Variants in HSF1 observed in about 807,000 individuals in gnomAD.
HSF1 encodes the protein heat shock factor protein 1.
HSF1 carries 32 observed loss-of-function variants against 51.7 expected under a neutral mutation model. That is an observed-to-expected ratio of 0.62 (90% confidence interval 0.47 to 0.83). HSF1 has a LOEUF of 0.83. Ranked by LOEUF, HSF1 falls within the 40% of genes least tolerant of loss-of-function variation. The pLI is 0.00. For missense variants in HSF1, 727 were observed against 717.0 expected (o/e 1.01, Z -0.16); for synonymous variants, 396 against 309.7 (o/e 1.28, Z -2.92).
intron 3 of HSF1, 71 bp downstream of exon 3, chr8:144,309,662 G>GGGGC: frequency 1.3e-6 from 2 of 1,598,780 alleles, no homozygotes; most frequent in East Asian, 2.2e-5. Flanking sequence ...CTCCCTGAGG[G>GGGGC]CTCCCACCCC....
intron 9 of HSF1, 158 bp from the exon 10 acceptor site, chr8:144,313,353 C>A: frequency 1.7e-6 from 1 of 591,588 alleles, no homozygotes; most frequent in African/African-American, 1.9e-5. Flanking sequence ...CCACTGCCTT[C>A]CAGGCCGTCC....
chr8:144,295,698 C>T (rs1815408481), intron 1 of HSF1, among the ~76,000 whole-genome samples: 1 of 151,468 alleles, frequency 6.6e-6, no homozygotes, highest in Non-Finnish European at 1.5e-5. Flanking sequence ...TACAGGCTTG[C>T]ACCACCAGAC....
Position 144,314,497 on chromosome 8 carries a change from C to CCCTGG in HSF1, c.*172_*176dup, listed in dbSNP as rs1282231495. On this transcript the variant is annotated 3_prime_UTR_variant, in exon 13 of 13. Transcript: ENST00000528838. ...GCAGCACCTCTGGTCAGGAGGGTCA[C>CCCTGG]CCTGGCCTGCCAGTCTGCCTTCCCC... The CCCTGG allele has an allele frequency of 1.1e-5, 7 of 626,534 alleles. No homozygotes were observed. The highest frequency in any genetic ancestry group is 1.8e-5 in the African/African-American group (1 of 54,278). 38.8% of individuals were successfully genotyped at this position (626,534 alleles called of 1,614,324 possible).
chr8:144,313,642 TCCCCG>T lies in HSF1; in HGVS notation c.1248+34_1248+38del, dbSNP rs781889614. 88 of 339,642 alleles carry T rather than the reference TCCCCG, an allele frequency of 2.6e-4. 1 individual carries two copies. The highest frequency in any genetic ancestry group is 5.3e-4 in the African/African-American group (11 of 20,876). The allele number at this position is 339,642 out of a possible 1,614,324, so 21.0% of individuals were successfully genotyped here. On this transcript the variant is annotated intron_variant, in intron 10 of 12. Coordinates refer to ENST00000528838, the MANE Select transcript of HSF1 (RefSeq NM_005526.4). ...GTGAGTGGAGCCCCGCCGCCCCGCC[TCCCCG>T]CCCCGCCTCCCCGCCGCGCCGCCCC...
At chr8:144,312,294 C>T (rs1554845099) in intron 9 of HSF1, 50 bp downstream of exon 9, 1 of 1,347,776 alleles carries the variant, frequency 7.4e-7, no homozygotes, top group African/African-American at 1.4e-5. Context: ...GACGCACAGC[C>T]CTGGGCTTCA....
chr8:144,312,726 C>A, intron 9 of HSF1: 1 of 1,533,208 alleles, frequency 6.5e-7, no homozygotes, highest in Non-Finnish European at 8.7e-7. Flanking sequence ...GCGCTGACCC[C>A]ACTGGGGAGG....
chr8:144,312,569 C>A, intron 9 of HSF1: 1 of 1,391,480 alleles, frequency 7.2e-7, no homozygotes, highest in Non-Finnish European at 9.8e-7. Flanking sequence ...TGAGCAGGGC[C>A]GGCCTCCACA....
intron 9 of HSF1, chr8:144,313,101 T>C: frequency 2.5e-6 from 1 of 392,484 alleles, no homozygotes; most frequent in Non-Finnish European, 4.8e-6. Flanking sequence ...AGACCGTGGG[T>C]CTCATCCCCA....
At chr8:144,293,873 T>G (rs1815278301) in intron 1 of HSF1, among the ~76,000 whole-genome samples, 1 of 151,278 alleles carries the variant, frequency 6.6e-6, no homozygotes, top group Admixed American at 6.6e-5. Context: ...TCCCGTAATC[T>G]GCTTGCTGTT....
chr8:144,309,715 T>C, intron 3 of HSF1, 57 bp from the exon 4 acceptor site: 3 of 1,477,808 alleles, frequency 2.0e-6, no homozygotes, highest in Non-Finnish European at 2.7e-6. Context: ...TGGACGAGCC[T>C]GAGCCTGCCA....
chr8:144,293,974 G>A (rs1425560195), intron 1 of HSF1, among the ~76,000 whole-genome samples: 1 of 151,858 alleles, frequency 6.6e-6, no homozygotes, highest in Non-Finnish European at 1.5e-5. Flanking sequence ...TTTGAGCAAG[G>A]AAGGCAGGTG....
chr8:144,313,412 G>C, intron 9 of HSF1, 99 bp from the exon 10 acceptor site: 1 of 789,584 alleles, frequency 1.3e-6, no homozygotes, highest in Middle Eastern at 2.3e-4. Context: ...CGGGGGTGCA[G>C]CCTGGGGGGT....
chr8:144,308,365 TTGAC>T (rs1816366215), intron 1 of HSF1, among the ~76,000 whole-genome samples: 1 of 152,224 alleles, frequency 6.6e-6, no homozygotes, highest in Admixed American at 6.5e-5. Context: ...TATGCAGTGT[TTGAC>T]TGTCTCTGTT....
In HSF1 at chr8:144,314,636, C is replaced by T. The variant is rs111911280; in HGVS notation, c.*306C>T. ...ATTTTTACACAACTGTCCCGTTCCC[C>T]GCTCCACAGAGATACACAGATATAT... On this transcript the variant is annotated 3_prime_UTR_variant, in exon 13 of 13. Coordinates refer to ENST00000528838, the MANE Select transcript of HSF1 (RefSeq NM_005526.4). The T allele has an allele frequency of 0.014, 5,880 of 434,494 alleles. 68 individuals are homozygous for T. Among genetic ancestry groups the T allele is most frequent in the Middle Eastern group, 0.031 (49 of 1,556 alleles). The allele number at this position is 434,494 out of a possible 1,614,324, so 26.9% of individuals were successfully genotyped here.
In HSF1 at chr8:144,311,685, T is replaced by A. The variant is rs782521190; in HGVS notation, c.724-15T>A. 9.3e-6 allele frequency: 15 copies of A among 1,608,944 alleles called. 1 individual carries two copies. In the African/African-American group the frequency reaches 2.0e-4, roughly 22 times the overall value. On this transcript the variant is annotated splice_polypyrimidine_tract_variant and intron_variant, in intron 7 of 12. Transcript: ENST00000528838. The stretch of plus-strand genomic sequence containing the variant: ...CCCTGCCGGCACTGCATGGACCTCC[T>A]GCCTTTGATTGCAGGCCCCCTCCCC...
At chr8:144,311,051 C>A in intron 4 of HSF1, 123 bp from the exon 5 acceptor site, 1 of 899,248 alleles carries the variant, frequency 1.1e-6, no homozygotes, top group South Asian at 1.7e-5. Flanking sequence ...CTGGGGTGGG[C>A]CAGGCCAGAC....
At chr8:144,296,651 CA>C (rs1463284682) in intron 1 of HSF1, among the ~76,000 whole-genome samples, 1 of 151,972 alleles carries the variant, frequency 6.6e-6, no homozygotes, top group Admixed American at 6.6e-5. Flanking sequence ...TTAAAAAATA[CA>C]AAAAACTAGC....
At position 144,313,067 on chromosome 8, in the gene HSF1, A is replaced by C. The variant is rs3757976; in HGVS notation, c.1143-444A>C. On this transcript the variant is annotated intron_variant, in intron 9 of 12. Coordinates refer to ENST00000528838, the MANE Select transcript of HSF1 (RefSeq NM_005526.4). ...ATAGCCCAGGTGTGCCCTGTGGCCTAGGGCTTTCTTGGTCACAGCCACCAG... is the reference window on the plus strand; with the variant it reads ...ATAGCCCAGGTGTGCCCTGTGGCCTCGGGCTTTCTTGGTCACAGCCACCAG... The C allele has an allele frequency of 1.2e-5, 5 of 414,814 alleles. No individual in the cohort carries two copies. In the East Asian group the frequency reaches 2.3e-4, roughly 19 times the overall value. The allele number at this position is 414,814 out of a possible 1,614,324, so 25.7% of individuals were successfully genotyped here.
chr8:144,312,185 T>TGGCCGG lies in HSF1; in HGVS notation c.1083_1084insGGCCGG (p.Pro361_Pro362insGlyArg). Reference sequence around the variant, plus strand: ...GCCACACGGACACCGAGGGCCGGCCTCCCTCCCCCCCGCCCACCTCCACCC... The same window carrying TGGCCGG: ...GCCACACGGACACCGAGGGCCGGCCTGGCCGGCCCTCCCCCCCGCCCACCTCCACCC... On this transcript the variant is annotated inframe_insertion, in exon 9 of 13. Coordinates refer to ENST00000528838, the MANE Select transcript of HSF1 (RefSeq NM_005526.4). 6.5e-7 allele frequency: 1 copy of TGGCCGG among 1,532,954 alleles called. No individual in the cohort carries two copies. Among genetic ancestry groups the TGGCCGG allele is most frequent in the Non-Finnish European group, 8.9e-7 (1 of 1,117,514 alleles). 95.0% of individuals were successfully genotyped at this position (1,532,954 alleles called of 1,614,324 possible). A position where few individuals can be genotyped will look rare whatever the true frequency, so the allele number is the denominator to read the frequency against.
Sources: gnomAD v4.1 joint callset for allele counts (sites outside exome capture counted in the v4.1 genomes callset) on GRCh38, gnomAD v4.1.1 for gene constraint, MANE v1.5 for transcripts, NCBI Gene and HGNC (gene_info 2026-07-23, HGNC 2026-07-21) for gene names.